SDK1: variants seen among roughly 807,000 people sequenced by gnomAD.
SDK1 encodes the protein protein sidekick-1.
Under a neutral mutation model 245.5 loss-of-function variants are expected in SDK1, and 157 were observed. The observed-to-expected ratio is 0.64, with a 90% confidence interval of 0.56 to 0.73. The LOEUF is 0.73. Among genes scored for constraint, SDK1 ranks in the 30% least tolerant of loss-of-function variants. The probability of loss-of-function intolerance (pLI) is 0.00; values close to 1 mark genes in which losing one functional copy is unlikely to be tolerated. For synonymous variants in SDK1, 1,647 were observed against 1,278.5 expected, an observed-to-expected ratio of 1.29 and a Z score of -6.15; for missense variants, 3,583 against 3,002.3, an observed-to-expected ratio of 1.19 and a Z score of -4.52.
At chr7:3,330,821 A>C (rs1019639008) in intron 1 of SDK1, among the ~76,000 whole-genome samples, 5 of 151,154 alleles carry the variant, frequency 3.3e-5, no homozygotes, top group African/African-American at 7.3e-5. Context: ...AAAAAAAAAA[A>C]AAAAAAACCA....
chr7:4,246,341 A>G (rs1786859946), intron 44 of SDK1, among the ~76,000 whole-genome samples: 1 of 152,132 alleles, frequency 6.6e-6, no homozygotes, highest in African/African-American at 2.4e-5. Flanking sequence ...CACCTCTTAC[A>G]GATGGAGCCG....
At chr7:3,966,781 G>A (rs1782117104) in intron 9 of SDK1, among the ~76,000 whole-genome samples, 1 of 151,924 alleles carries the variant, frequency 6.6e-6, no homozygotes, top group South Asian at 2.1e-4. Context: ...AGCCTCCTGG[G>A]CTCAAGCGAT....
At position 3,435,321 on chromosome 7, in the gene SDK1, C is replaced by CTTT. The variant is rs71029672; in HGVS notation, c.298+133462_298+133464dup. Reference sequence around the variant, plus strand: ...ATACTTGACTTATGAAGGGGACTGCCTTTTTTTTTTTTTTTTTTTTTTTTT... The same window carrying CTTT: ...ATACTTGACTTATGAAGGGGACTGCCTTTTTTTTTTTTTTTTTTTTTTTTTTTT... On this transcript the variant is annotated intron_variant, in intron 1 of 44. Coordinates refer to ENST00000404826, the MANE Select transcript of SDK1 (RefSeq NM_152744.4). Among the ~76,000 whole-genome samples the CTTT allele has an allele frequency of 3.5e-3, 198 of 56,888 alleles. 33 individuals are homozygous for CTTT. The highest frequency in any genetic ancestry group is 0.017 in the African/African-American group (187 of 10,984). The allele number at this position is 56,888 out of a possible 152,430, so 37.3% of individuals were successfully genotyped here.
chr7:4,242,948 G>A (rs1368321261), intron 43 of SDK1, among the ~76,000 whole-genome samples: 1 of 152,214 alleles, frequency 6.6e-6, no homozygotes, highest in East Asian at 1.9e-4. Flanking sequence ...CCAGTCCAAA[G>A]CACCGCAGGC....
chr7:3,325,139 C>G (rs763640129), intron 1 of SDK1, among the ~76,000 whole-genome samples: 1 of 151,976 alleles, frequency 6.6e-6, no homozygotes, highest in African/African-American at 2.4e-5. Flanking sequence ...ATGCTTCAGT[C>G]TCACAGGTGA....
At chr7:3,629,337 G>A (rs1036603269) in intron 2 of SDK1, among the ~76,000 whole-genome samples, 82 of 150,272 alleles carry the variant, frequency 5.5e-4, no homozygotes, top group African/African-American at 1.9e-3. Context: ...AAAGAAAAAA[G>A]CACTACACAG....
chr7:3,560,570 G>A (rs1349456954), intron 1 of SDK1, among the ~76,000 whole-genome samples: 1 of 151,998 alleles, frequency 6.6e-6, no homozygotes, highest in African/African-American at 2.4e-5. Flanking sequence ...TTCCTGCACT[G>A]GGTTTTTAGC....
intron 1 of SDK1, among the ~76,000 whole-genome samples, chr7:3,571,668 T>C (rs1780120493): frequency 6.6e-6 from 1 of 152,104 alleles, no homozygotes; most frequent in African/African-American, 2.4e-5. Flanking sequence ...CTTTTAACGA[T>C]TATTACTATT....
At chr7:3,451,821 T>C (rs757326043) in intron 1 of SDK1, among the ~76,000 whole-genome samples, 1 of 152,184 alleles carries the variant, frequency 6.6e-6, no homozygotes, top group Non-Finnish European at 1.5e-5. Context: ...CCAACTGTAC[T>C]GGGCCAATCA....
intron 1 of SDK1, among the ~76,000 whole-genome samples, chr7:3,377,012 ACT>A (rs983222819): frequency 2.8e-4 from 43 of 152,090 alleles, no homozygotes; most frequent in African/African-American, 9.7e-4. Flanking sequence ...CTTGTTGCCA[ACT>A]CTCTATTCTG....
At chr7:3,718,661 A>T (rs1432051622) in intron 4 of SDK1, among the ~76,000 whole-genome samples, 1 of 152,202 alleles carries the variant, frequency 6.6e-6, no homozygotes, top group East Asian at 1.9e-4. Flanking sequence ...CTTCGTAAAG[A>T]GTATGTACAG....
At chr7:3,809,354 C>G (rs1445275185) in intron 4 of SDK1, among the ~76,000 whole-genome samples, 2 of 152,130 alleles carry the variant, frequency 1.3e-5, no homozygotes, top group South Asian at 4.1e-4. Flanking sequence ...CACCAGGCCC[C>G]ACCTCCCATA....
At chr7:4,064,240 T>C (rs2128172071) in intron 19 of SDK1, among the ~76,000 whole-genome samples, 1 of 152,066 alleles carries the variant, frequency 6.6e-6, no homozygotes, top group Admixed American at 6.5e-5. Context: ...TTAAAAAATC[T>C]CATTTAAAAA....
chr7:3,935,738 A>T (rs897037293), intron 5 of SDK1, among the ~76,000 whole-genome samples: 3 of 152,236 alleles, frequency 2.0e-5, no homozygotes, highest in African/African-American at 7.2e-5. Flanking sequence ...AAAAACAGAA[A>T]GTAACAAGTG....
At chr7:3,388,707 A>G (rs1781671415) in intron 1 of SDK1, among the ~76,000 whole-genome samples, 1 of 152,206 alleles carries the variant, frequency 6.6e-6, no homozygotes, top group Non-Finnish European at 1.5e-5. Flanking sequence ...TTAAGAGTTG[A>G]TAAAGGGAGA....
intron 1 of SDK1, among the ~76,000 whole-genome samples, chr7:3,458,984 T>A (rs73671830): frequency 1.3e-5 from 2 of 152,292 alleles, no homozygotes; most frequent in East Asian, 3.9e-4. Context: ...ATGTAAAGTT[T>A]CCATGTAAAC....
chr7:4,195,352 C>T (rs982147240), intron 35 of SDK1, among the ~76,000 whole-genome samples: 3 of 152,064 alleles, frequency 2.0e-5, no homozygotes, highest in African/African-American at 7.2e-5. Flanking sequence ...AGGCCGACTC[C>T]TTGCCTGGTT....
In SDK1 at chr7:4,220,302, A is replaced by G. The variant is rs767955040; in HGVS notation, c.5701+32A>G. The G allele has an allele frequency of 8.1e-6, 13 of 1,600,152 alleles. 1 individual carries two copies. Among genetic ancestry groups the G allele is most frequent in the South Asian group, 6.6e-5 (6 of 90,370 alleles). ...GGAACTCCAGGGGCAGACAATGTCA[A>G]TTGCAACTTTAGCCTCCCGCCTCCT... On this transcript the variant is annotated intron_variant, in intron 39 of 44. Coordinates refer to ENST00000404826, the MANE Select transcript of SDK1 (RefSeq NM_152744.4).
At chr7:3,724,885 G>A (rs1054390725) in intron 4 of SDK1, among the ~76,000 whole-genome samples, 2 of 152,182 alleles carry the variant, frequency 1.3e-5, no homozygotes, top group East Asian at 3.9e-4. Flanking sequence ...ATGGCCATGT[G>A]GCCATGCCTA....
Sources: allele counts gnomAD v4.1 joint callset (sites outside exome capture counted in the v4.1 genomes callset), GRCh38; gene constraint gnomAD v4.1.1; transcripts MANE v1.5; gene names NCBI Gene and HGNC (gene_info 2026-07-23, HGNC 2026-07-21).